The following RBFOX1 variants were observed in gnomAD, a reference collection of about 807,000 sequenced individuals.
RBFOX1 encodes RNA binding protein fox-1 homolog 1.
A neutral mutation model predicts 57.7 loss-of-function variants in RBFOX1; 8 were observed. The observed-to-expected ratio is 0.14, with a 90% CI of 0.08 to 0.25. The LOEUF (loss-of-function observed/expected upper bound fraction) is 0.25. Among genes scored for constraint, RBFOX1 ranks in the 10% least tolerant of loss-of-function variants. The pLI, the probability that RBFOX1 is intolerant of heterozygous loss-of-function variation, is 1.00. For missense variants in RBFOX1, 611 were observed against 548.5 expected, an observed-to-expected ratio of 1.11 and a Z score of -1.14; for synonymous variants, 326 against 222.4, an observed-to-expected ratio of 1.47 and a Z score of -4.15.
intron 1 of RBFOX1, among the ~76,000 whole-genome samples, chr16:6,267,355 C>T (rs1482269494): frequency 6.6e-6 from 1 of 152,194 alleles, no homozygotes; most frequent in Non-Finnish European, 1.5e-5. Context: ...TGTTTGACCT[C>T]TCCTGATAAA....
intron 1 of RBFOX1, among the ~76,000 whole-genome samples, chr16:5,363,393 C>T (rs755965925): frequency 6.6e-6 from 1 of 152,112 alleles, no homozygotes; most frequent in Non-Finnish European, 1.5e-5. Flanking sequence ...TATGGTAGTT[C>T]TACTTGTAAG....
chr16:5,729,576 A>G (rs964370193), intron 3 of RBFOX1, among the ~76,000 whole-genome samples: 4 of 151,964 alleles, frequency 2.6e-5, no homozygotes, highest in Non-Finnish European at 5.9e-5. Context: ...TGTTAATTAT[A>G]TTTGTCCAGG....
chr16:7,304,676 CA>C (rs2096129119), intron 4 of RBFOX1, among the ~76,000 whole-genome samples: 1 of 152,146 alleles, frequency 6.6e-6, no homozygotes, highest in South Asian at 2.1e-4. Context: ...GATGTTTCTG[CA>C]CCTGTCCGAA....
At chr16:6,724,913 T>C (rs1272258932) in intron 3 of RBFOX1, among the ~76,000 whole-genome samples, 1 of 152,148 alleles carries the variant, frequency 6.6e-6, no homozygotes, top group Non-Finnish European at 1.5e-5. Context: ...CTGACCTTGC[T>C]GTAGCATTTG....
In RBFOX1 at chr16:6,910,101, C is replaced by T. The variant is rs556729805; in HGVS notation, c.-15-141956C>T. ...TGCCTGTACGTCCCACCCTGGACCA[C>T]GGAAAACCTTGGTAGCGTGCAAAGA... On this transcript the variant is annotated intron_variant, in intron 3 of 15. Coordinates refer to ENST00000550418, the MANE Select transcript of RBFOX1 (RefSeq NM_018723.4). Among the ~76,000 whole-genome samples, 12 of 152,008 alleles carry T rather than the reference C, an allele frequency of 7.9e-5. No homozygotes were observed. In the South Asian group the frequency reaches 1.5e-3, roughly 18 times the overall value.
chr16:7,167,185 C>T (rs1056434374), intron 4 of RBFOX1, among the ~76,000 whole-genome samples: 1 of 151,258 alleles, frequency 6.6e-6, no homozygotes, highest in African/African-American at 2.4e-5. Context: ...GGGATTTCTC[C>T]GTGTTGGCCA....
intron 1 of RBFOX1, among the ~76,000 whole-genome samples, chr16:6,214,251 G>A (rs960780797): frequency 7.9e-5 from 12 of 152,084 alleles, no homozygotes; most frequent in African/African-American, 2.7e-4. Flanking sequence ...TTGTTCTTCA[G>A]AATCTTTAAT....
At chr16:7,448,360 G>T (rs1284177281) in intron 4 of RBFOX1, among the ~76,000 whole-genome samples, 1 of 152,198 alleles carries the variant, frequency 6.6e-6, no homozygotes, top group Non-Finnish European at 1.5e-5. Context: ...AAGAGGTTCA[G>T]TGGCCTCACA....
intron 3 of RBFOX1, among the ~76,000 whole-genome samples, chr16:6,729,270 T>A (rs1027591739): frequency 6.6e-6 from 1 of 152,174 alleles, no homozygotes; most frequent in Non-Finnish European, 1.5e-5. Flanking sequence ...TACTTGAGAT[T>A]GGGACCTGAC....
At chr16:5,491,144 G>A (rs145545933) in intron 2 of RBFOX1, among the ~76,000 whole-genome samples, 8 of 152,080 alleles carry the variant, frequency 5.3e-5, no homozygotes, top group African/African-American at 1.4e-4. Context: ...CCGAAACATC[G>A]TTACATGGTG....
intron 2 of RBFOX1, among the ~76,000 whole-genome samples, chr16:6,630,280 C>A (rs1218361456): frequency 6.6e-6 from 1 of 152,006 alleles, no homozygotes; most frequent in Non-Finnish European, 1.5e-5. Flanking sequence ...CTGCCCACAC[C>A]CAAGGAATGG....
At chr16:6,677,628 A>T (rs974453728) in intron 3 of RBFOX1, among the ~76,000 whole-genome samples, 1 of 152,234 alleles carries the variant, frequency 6.6e-6, no homozygotes, top group Non-Finnish European at 1.5e-5. Flanking sequence ...AATCTCATTA[A>T]AAGTATATTT....
At chr16:5,902,993 C>T (rs977276538) in intron 4 of RBFOX1, among the ~76,000 whole-genome samples, 3 of 152,120 alleles carry the variant, frequency 2.0e-5, no homozygotes, top group Non-Finnish European at 4.4e-5. Flanking sequence ...CTCCCCCACC[C>T]TCAACAAACG....
intron 1 of RBFOX1, among the ~76,000 whole-genome samples, chr16:6,227,867 T>G (rs2097429461): frequency 1.3e-5 from 2 of 152,122 alleles, no homozygotes; most frequent in Admixed American, 6.6e-5. Context: ...AAAGGAGAGG[T>G]AAACAGTAGG....
rs1438927649 is a variant in RBFOX1, at chr16:6,928,060, A to G, written c.-15-123997A>G. Among the ~76,000 whole-genome samples the G allele has an allele frequency of 5.3e-5, 8 of 152,128 alleles. 1 individual carries two copies. The highest frequency in any genetic ancestry group is 1.9e-4 in the African/African-American group (8 of 41,434). Reference sequence around the variant, plus strand: ...TTATAATTTCCCCAACTTGGGTTGAAGCCCCAGATGACTGGGAGCTGCTTC... The same window carrying G: ...TTATAATTTCCCCAACTTGGGTTGAGGCCCCAGATGACTGGGAGCTGCTTC... On this transcript the variant is annotated intron_variant, in intron 3 of 15. Coordinates refer to ENST00000550418, the MANE Select transcript of RBFOX1 (RefSeq NM_018723.4).
intron 2 of RBFOX1, among the ~76,000 whole-genome samples, chr16:6,608,633 A>C (rs1364726557): frequency 6.6e-6 from 1 of 152,196 alleles, no homozygotes; most frequent in East Asian, 1.9e-4. Context: ...TACAAAAATT[A>C]ACTAGTCATG....
chr16:6,864,603 A>G (rs1018328626), intron 3 of RBFOX1, among the ~76,000 whole-genome samples: 9 of 151,338 alleles, frequency 5.9e-5, no homozygotes, highest in South Asian at 2.1e-4. Context: ...GGATGTGTCA[A>G]CGGCAGGATA....
In RBFOX1 at chr16:6,740,716, G is replaced by A. The variant is rs184195738; in HGVS notation, c.-16+86066G>A. 1.1e-3 allele frequency among the ~76,000 whole-genome samples: 163 copies of A among 152,232 alleles called. 2 individuals carry two copies. Among genetic ancestry groups the A allele is most frequent in the Non-Finnish European group, 5.9e-4 (40 of 68,008 alleles). ...AAATTATCAAATGCTGATGAAAAAG[G>A]CCAACATGTAAATAGATGGAAAAGC... On this transcript the variant is annotated intron_variant, in intron 3 of 15. Coordinates refer to ENST00000550418, the MANE Select transcript of RBFOX1 (RefSeq NM_018723.4).
At chr16:7,334,887 A>T (rs986730167) in intron 4 of RBFOX1, among the ~76,000 whole-genome samples, 6 of 152,192 alleles carry the variant, frequency 3.9e-5, no homozygotes, top group Admixed American at 2.6e-4. Context: ...GTGTTTTTCC[A>T]AGCGACACCT....
Sources: allele counts gnomAD v4.1 joint callset (sites outside exome capture counted in the v4.1 genomes callset), GRCh38; gene constraint gnomAD v4.1.1; transcripts MANE v1.5; gene names NCBI Gene and HGNC (gene_info 2026-07-23, HGNC 2026-07-21).